Variants in ADARB2 observed in about 807,000 individuals in gnomAD.
ADARB2 encodes the protein adenosine deaminase RNA specific B2 (inactive).
In ADARB2, 25 loss-of-function variants were observed where a neutral mutation model predicts 62.2. That is an observed-to-expected ratio of 0.40 (90% CI 0.29 to 0.56). The LOEUF is 0.56. Among genes scored for constraint, ADARB2 ranks in the 20% least tolerant of loss-of-function variants. The probability of loss-of-function intolerance (pLI) is 0.43; values close to 1 mark genes in which losing one functional copy is unlikely to be tolerated. For synonymous variants in ADARB2, 572 were observed against 500.8 expected (o/e 1.14, Z -1.90); for missense variants, 1,071 against 1,077.4 (o/e 0.99, Z 0.08).
intron 1 of ADARB2, among the ~76,000 whole-genome samples, chr10:1,595,981 C>T (rs1310080989): frequency 6.6e-6 from 1 of 152,240 alleles, no homozygotes; most frequent in Non-Finnish European, 1.5e-5. Flanking sequence ...ACAGGCTGCT[C>T]TGCCTACGGC....
chr10:1,401,164 C>T (rs1832658332), intron 1 of ADARB2, among the ~76,000 whole-genome samples: 1 of 152,194 alleles, frequency 6.6e-6, no homozygotes, highest in African/African-American at 2.4e-5. Context: ...GTCACCCTCC[C>T]CACCTCCCGG....
intron 1 of ADARB2, among the ~76,000 whole-genome samples, chr10:1,587,724 A>T (rs1015169915): frequency 2.6e-5 from 4 of 152,148 alleles, no homozygotes; most frequent in African/African-American, 9.7e-5. Context: ...CCCAAATCTC[A>T]TCTTGAATTG....
chr10:1,573,867 C>T (rs2131994744), intron 1 of ADARB2, among the ~76,000 whole-genome samples: 1 of 152,292 alleles, frequency 6.6e-6, no homozygotes, highest in Admixed American at 6.5e-5. Context: ...CCTCAACTGG[C>T]CATAGAGGTC....
chr10:1,435,397 A>C (rs1830823931), intron 1 of ADARB2, among the ~76,000 whole-genome samples: 1 of 152,144 alleles, frequency 6.6e-6, no homozygotes, highest in Admixed American at 6.5e-5. Flanking sequence ...GCTGTGGTAA[A>C]AGACAGGACC....
chr10:1,232,748 ATG>A (rs1283208505), intron 6 of ADARB2, among the ~76,000 whole-genome samples: 4 of 143,584 alleles, frequency 2.8e-5, no homozygotes, highest in African/African-American at 1.1e-4. Context: ...TGAGTAGTGT[ATG>A]TGGTATGTGG....
chr10:1,312,301 C>T (rs1050527806), intron 3 of ADARB2, among the ~76,000 whole-genome samples: 1 of 152,150 alleles, frequency 6.6e-6, no homozygotes, highest in Non-Finnish European at 1.5e-5. Flanking sequence ...GAAAGGGCAA[C>T]AGCCATACCT....
At chr10:1,283,277 T>C (rs1589177144) in intron 3 of ADARB2, among the ~76,000 whole-genome samples, 1 of 152,248 alleles carries the variant, frequency 6.6e-6, no homozygotes, top group East Asian at 1.9e-4. Context: ...TATTGGTTAA[T>C]AGGAGTTCTA....
At chr10:1,249,278 C>CA (rs1373384834) in intron 4 of ADARB2, among the ~76,000 whole-genome samples, 2 of 151,924 alleles carry the variant, frequency 1.3e-5, no homozygotes, top group Admixed American at 6.6e-5. Flanking sequence ...CCCAAGTCTA[C>CA]AAAAAATACA....
intron 3 of ADARB2, among the ~76,000 whole-genome samples, chr10:1,323,746 A>G (rs1362997764): frequency 6.6e-6 from 1 of 152,218 alleles, no homozygotes; most frequent in African/African-American, 2.4e-5. Flanking sequence ...TCTTATACAA[A>G]ATCTTACACA....
intron 1 of ADARB2, among the ~76,000 whole-genome samples, chr10:1,560,433 G>A (rs1042768207): frequency 6.6e-6 from 1 of 151,686 alleles, no homozygotes; most frequent in Non-Finnish European, 1.5e-5. Context: ...ATCACGAGGC[G>A]CACCCTGGGT....
intron 1 of ADARB2, among the ~76,000 whole-genome samples, chr10:1,388,648 C>A (rs1271021996): frequency 6.6e-6 from 1 of 151,342 alleles, no homozygotes; most frequent in African/African-American, 2.4e-5. Flanking sequence ...TAGGTATAAT[C>A]TGAAGAAAAA....
intron 1 of ADARB2, among the ~76,000 whole-genome samples, chr10:1,648,003 G>C (rs1310190321): frequency 6.6e-6 from 1 of 152,178 alleles, no homozygotes; most frequent in Non-Finnish European, 1.5e-5. Flanking sequence ...TTCTAATTGA[G>C]TGGATACATG....
intron 3 of ADARB2, among the ~76,000 whole-genome samples, chr10:1,344,910 G>T (rs1244633479): frequency 2.0e-5 from 3 of 152,186 alleles, no homozygotes; most frequent in Admixed American, 2.0e-4. Context: ...CCTTCATTGT[G>T]TTTCCGAGCT....
chr10:1,316,456 C>G (rs534503791), intron 3 of ADARB2, among the ~76,000 whole-genome samples: 1 of 152,328 alleles, frequency 6.6e-6, no homozygotes, highest in Admixed American at 6.5e-5. Context: ...GCAGTGTCGG[C>G]CACGGTGCAT....
At chr10:1,299,764 G>A (rs1831556711) in intron 3 of ADARB2, among the ~76,000 whole-genome samples, 1 of 152,234 alleles carries the variant, frequency 6.6e-6, no homozygotes, top group South Asian at 2.1e-4. Context: ...CCTGGGTTAC[G>A]ATGCAGCAGC....
chr10:1,707,885 G>T (rs1834909381), intron 1 of ADARB2, among the ~76,000 whole-genome samples: 1 of 152,192 alleles, frequency 6.6e-6, no homozygotes, highest in Non-Finnish European at 1.5e-5. Flanking sequence ...AGCAGAGTCA[G>T]CACTGGTCAG....
chr10:1,539,545 G>T (rs1047025429), intron 1 of ADARB2, among the ~76,000 whole-genome samples: 1 of 152,210 alleles, frequency 6.6e-6, no homozygotes, highest in Admixed American at 6.5e-5. Flanking sequence ...AAACACAACT[G>T]GCAAGGTAGA....
rs564368359 is a variant in ADARB2, at chr10:1,375,661, G to A, written c.187+3413C>T. Among the ~76,000 whole-genome samples, 11 of 152,336 alleles carry A rather than the reference G, an allele frequency of 7.2e-5. No individual in the cohort carries two copies. The South Asian group carries it at 1.0e-3, about 14-fold the overall frequency. ...CACAGGGTGTGAAACACGGGAGACC[G>A]GAGGAGGCAGGGCAAGGTCATGTGT... On this transcript the variant is annotated intron_variant, in intron 2 of 9. Coordinates refer to ENST00000381312, the MANE Select transcript of ADARB2 (RefSeq NM_018702.4).
intron 1 of ADARB2, among the ~76,000 whole-genome samples, chr10:1,513,730 T>G (rs1385850734): frequency 6.6e-6 from 1 of 152,152 alleles, no homozygotes; most frequent in African/African-American, 2.4e-5. Flanking sequence ...ACCAGGGATT[T>G]GCTGGAGAAG....
Sources: gnomAD v4.1 joint callset for allele counts (sites outside exome capture counted in the v4.1 genomes callset) on GRCh38, gnomAD v4.1.1 for gene constraint, MANE v1.5 for transcripts, NCBI Gene and HGNC (gene_info 2026-07-23, HGNC 2026-07-21) for gene names.